Variants in GRHL2 observed in about 807,000 individuals in gnomAD.
GRHL2 encodes the protein grainyhead like transcription factor 2, also known as grainyhead-like protein 2 homolog.
GRHL2 carries 21 observed loss-of-function variants against 83.8 expected under a neutral mutation model. The observed-to-expected ratio is 0.25, with a 90% CI of 0.18 to 0.36. The LOEUF (loss-of-function observed/expected upper bound fraction) is 0.36. Ranked by LOEUF, GRHL2 falls within the 10% of genes least tolerant of loss-of-function variation. The probability of loss-of-function intolerance (pLI) is 1.00; values close to 1 mark genes in which losing one functional copy is unlikely to be tolerated. For missense variants in GRHL2, 623 were observed against 781.8 expected (o/e 0.80, Z 2.42); for synonymous variants, 280 against 278.9 (o/e 1.00, Z -0.04).
chr8:101,573,154 T>G (rs1004757946), intron 5 of GRHL2, among the ~76,000 whole-genome samples: 1 of 152,078 alleles, frequency 6.6e-6, no homozygotes, highest in Non-Finnish European at 1.5e-5. Context: ...GGGAACTAGA[T>G]TCTCAAGTGA....
chr8:101,544,695 A>G (rs1421923565), intron 2 of GRHL2, among the ~76,000 whole-genome samples: 1 of 152,208 alleles, frequency 6.6e-6, no homozygotes, highest in East Asian at 1.9e-4. Flanking sequence ...ATTTTAGAAT[A>G]AGAACTGAAT....
At chr8:101,541,882 C>T (rs568389677) in intron 1 of GRHL2, among the ~76,000 whole-genome samples, 1 of 152,298 alleles carries the variant, frequency 6.6e-6, no homozygotes, top group East Asian at 1.9e-4. Flanking sequence ...GACTCCCACC[C>T]ATTTCTGTTT....
At chr8:101,597,743 A>G (rs576256769) in intron 7 of GRHL2, among the ~76,000 whole-genome samples, 1 of 152,088 alleles carries the variant, frequency 6.6e-6, no homozygotes, top group South Asian at 2.1e-4. Flanking sequence ...TGACAAGTTA[A>G]TGGGTGCAGC....
intron 8 of GRHL2, among the ~76,000 whole-genome samples, chr8:101,603,059 T>A (rs1247228840): frequency 2.0e-5 from 3 of 152,034 alleles, no homozygotes; most frequent in Admixed American, 6.5e-5. Flanking sequence ...TAAATCTTGA[T>A]CTTTCAAGAT....
chr8:101,601,949 G>C (rs1258542466), intron 8 of GRHL2, among the ~76,000 whole-genome samples: 1 of 152,100 alleles, frequency 6.6e-6, no homozygotes, highest in Non-Finnish European at 1.5e-5. Context: ...CATGCATTAG[G>C]TATTTGTCCT....
At chr8:101,608,535 T>C (rs150758949) in intron 8 of GRHL2, among the ~76,000 whole-genome samples, 2 of 152,288 alleles carry the variant, frequency 1.3e-5, no homozygotes, top group East Asian at 3.9e-4. Flanking sequence ...GGTAGGTAAG[T>C]GACAGTGGGT....
intron 12 of GRHL2, among the ~76,000 whole-genome samples, chr8:101,640,601 T>A (rs913493148): frequency 1.3e-5 from 2 of 152,214 alleles, no homozygotes; most frequent in African/African-American, 4.8e-5. Context: ...CTGGTCTTCA[T>A]CTACATCTGA....
At chr8:101,492,979 ATG>A (rs1809997258) in intron 1 of GRHL2, 190 bp downstream of exon 1, 1 of 641,802 alleles carries the variant, frequency 1.6e-6, no homozygotes, top group Admixed American at 2.6e-5. Context: ...CCCTACAACA[ATG>A]TGAATATTTA....
intron 9 of GRHL2, among the ~76,000 whole-genome samples, chr8:101,620,140 C>T (rs776388138): frequency 3.4e-4 from 52 of 152,256 alleles, no homozygotes; most frequent in African/African-American, 1.2e-3. Flanking sequence ...AGAGAGAGCA[C>T]GTGCACAAGC....
chr8:101,608,829 G>A (rs7820809), intron 8 of GRHL2, among the ~76,000 whole-genome samples: 74,090 of 148,486 alleles, frequency 0.5, 20,784 homozygotes, highest in African/African-American at 0.73. Flanking sequence ...CTCTTTCTGT[G>A]GGATCAGGAA....
intron 14 of GRHL2, among the ~76,000 whole-genome samples, chr8:101,650,977 C>T (rs1366717407): frequency 6.6e-6 from 1 of 152,090 alleles, no homozygotes; most frequent in East Asian, 1.9e-4. Context: ...AGGATTAGGT[C>T]ATCTTTTTTC....
intron 1 of GRHL2, among the ~76,000 whole-genome samples, chr8:101,521,999 G>A (rs1563562489): frequency 6.6e-6 from 1 of 152,108 alleles, no homozygotes; most frequent in Non-Finnish European, 1.5e-5. Flanking sequence ...TTAGGGCAGG[G>A]GTGTGAATGG....
At chr8:101,642,731 G>T (rs940200221) in intron 12 of GRHL2, among the ~76,000 whole-genome samples, 1 of 152,160 alleles carries the variant, frequency 6.6e-6, no homozygotes, top group Admixed American at 6.5e-5. Flanking sequence ...ACACTGAAGA[G>T]CATTTCTCAC....
At chr8:101,565,156 G>A (rs1267360967) in intron 4 of GRHL2, among the ~76,000 whole-genome samples, 2 of 152,128 alleles carry the variant, frequency 1.3e-5, no homozygotes, top group Non-Finnish European at 2.9e-5. Flanking sequence ...AAGAGACAGA[G>A]GTTCAGAGAG....
chr8:101,673,609 A>G (rs1205755573), downstream of GRHL2, among the ~76,000 whole-genome samples: 1 of 150,694 alleles, frequency 6.6e-6, no homozygotes, highest in Non-Finnish European at 1.5e-5. Context: ...CGACTCCCAC[A>G]CAACTTTGAC....
intron 8 of GRHL2, among the ~76,000 whole-genome samples, chr8:101,607,432 C>A (rs980863414): frequency 6.6e-6 from 1 of 152,206 alleles, no homozygotes; most frequent in East Asian, 1.9e-4. Context: ...CACCCCTCAG[C>A]GGCCCAGTGC....
chr8:101,570,484 T>C, intron 5 of GRHL2, 90 bp downstream of exon 5: 2 of 1,042,924 alleles, frequency 1.9e-6, no homozygotes, highest in South Asian at 2.5e-5. Context: ...CCTTTTTTCT[T>C]TGTAAACTTG....
At chr8:101,631,064 G>C (rs1813176241) in intron 9 of GRHL2, among the ~76,000 whole-genome samples, 1 of 152,112 alleles carries the variant, frequency 6.6e-6, no homozygotes, top group Admixed American at 6.5e-5. Context: ...CCATCTCTAA[G>C]AACATATGGA....
intron 1 of GRHL2, among the ~76,000 whole-genome samples, chr8:101,497,539 T>C (rs1810133000): frequency 6.6e-6 from 1 of 152,154 alleles, no homozygotes; most frequent in Non-Finnish European, 1.5e-5. Context: ...AAAATAGGAA[T>C]CTCCACAGGA....
Sources: gnomAD v4.1 joint callset for allele counts (sites outside exome capture counted in the v4.1 genomes callset) on GRCh38, gnomAD v4.1.1 for gene constraint, MANE v1.5 for transcripts, NCBI Gene and HGNC (gene_info 2026-07-23, HGNC 2026-07-21) for gene names.